PTPN9: variants seen among roughly 807,000 people sequenced by gnomAD.
The protein encoded by PTPN9 is protein tyrosine phosphatase non-receptor type 9.
Under a neutral mutation model 69.8 loss-of-function variants are expected in PTPN9, and 26 were observed. That is an observed-to-expected ratio of 0.37 (90% CI 0.27 to 0.52). The LOEUF is 0.52. PTPN9 is among the 20% of genes least tolerant of loss of function. The pLI is 0.91. For synonymous variants in PTPN9, 274 were observed against 272.5 expected, an observed-to-expected ratio of 1.01 and a Z score of -0.05; for missense variants, 549 against 740.3, an observed-to-expected ratio of 0.74 and a Z score of 3.00.
intron 4 of PTPN9, among the ~76,000 whole-genome samples, chr15:75,517,661 A>C (rs1457927714): frequency 2.0e-5 from 3 of 152,212 alleles, no homozygotes; most frequent in Non-Finnish European, 4.4e-5. Context: ...TACCTACCCA[A>C]ATCATATAAC....
chr15:75,480,384 C>G (rs1403737563), intron 8 of PTPN9, among the ~76,000 whole-genome samples: 7 of 152,146 alleles, frequency 4.6e-5, no homozygotes, highest in Admixed American at 6.5e-5. Context: ...GAGGGTGGAT[C>G]ACGAGGTCAG....
At chr15:75,472,381 C>T (rs913249602) in intron 10 of PTPN9, among the ~76,000 whole-genome samples, 1 of 151,980 alleles carries the variant, frequency 6.6e-6, no homozygotes, top group Non-Finnish European at 1.5e-5. Context: ...ATGGCGTGAA[C>T]CCCGGTGGGG....
chr15:75,504,071 G>A (rs2074796241), intron 7 of PTPN9, among the ~76,000 whole-genome samples: 2 of 128,602 alleles, frequency 1.6e-5, no homozygotes, highest in Non-Finnish European at 3.4e-5. Flanking sequence ...CCGTCCGGGA[G>A]GGAGGTGGGG....
At chr15:75,522,070 T>G (rs2074907741) in intron 4 of PTPN9, among the ~76,000 whole-genome samples, 1 of 152,024 alleles carries the variant, frequency 6.6e-6, no homozygotes, top group Admixed American at 6.6e-5. Flanking sequence ...AAACTGTAAA[T>G]TACAAGCACC....
intron 1 of PTPN9, among the ~76,000 whole-genome samples, chr15:75,547,813 G>A (rs940823459): frequency 6.6e-6 from 1 of 151,510 alleles, no homozygotes. Flanking sequence ...TTACAGGCAT[G>A]CGCCACCACA....
At chr15:75,504,904 C>T (rs992914279) in intron 7 of PTPN9, among the ~76,000 whole-genome samples, 6 of 152,014 alleles carry the variant, frequency 3.9e-5, no homozygotes, top group African/African-American at 1.5e-4. Context: ...TGCCCAGCCA[C>T]CCCTACTAGG....
intron 7 of PTPN9, among the ~76,000 whole-genome samples, chr15:75,491,351 C>G (rs2074709808): frequency 6.7e-6 from 1 of 148,818 alleles, no homozygotes; most frequent in South Asian, 2.1e-4. Flanking sequence ...TGCAGTGAGC[C>G]AACATCACAC....
intron 7 of PTPN9, among the ~76,000 whole-genome samples, chr15:75,503,508 G>A (rs2074787397): frequency 2.1e-5 from 3 of 145,026 alleles, no homozygotes; most frequent in Non-Finnish European, 4.6e-5. Flanking sequence ...AGTGAGGAGC[G>A]TCTCCGCCCG....
intron 1 of PTPN9, among the ~76,000 whole-genome samples, chr15:75,559,825 AAATG>A (rs1211522367): frequency 3.9e-5 from 6 of 152,050 alleles, no homozygotes; most frequent in African/African-American, 1.2e-4. Context: ...GAAAAGAAAA[AAATG>A]AATATTTTTT....
intron 1 of PTPN9, among the ~76,000 whole-genome samples, chr15:75,560,717 CTGTTGT>C (rs1258331722): frequency 3.3e-5 from 5 of 152,070 alleles, no homozygotes; most frequent in African/African-American, 1.2e-4. Flanking sequence ...TATTTTGTTG[CTGTTGT>C]TGTTAATTAC....
In PTPN9 at chr15:75,467,390, A is replaced by T. The variant is rs1352411431; in HGVS notation, c.*1379T>A. ...GATTTTTTGGGAATGTGGAGTGCTG[A>T]GGACTCTTGATTTATCCCTAGCACA... On this transcript the variant is annotated 3_prime_UTR_variant, in exon 13 of 13. Transcript: ENST00000618819. 6.6e-6 allele frequency: 1 copy of T among 152,578 alleles called. No homozygotes were observed. The highest frequency in any genetic ancestry group is 2.4e-5 in the African/African-American group (1 of 41,428). The allele number at this position is 152,578 out of a possible 1,614,324, so 9.5% of individuals were successfully genotyped here.
intron 9 of PTPN9, among the ~76,000 whole-genome samples, chr15:75,477,353 G>T (rs928033789): frequency 1.3e-5 from 2 of 152,164 alleles, no homozygotes; most frequent in Non-Finnish European, 1.5e-5. Flanking sequence ...CCAGCACTTT[G>T]GGAGGCCGAG....
rs779245246 is a variant in PTPN9 at position 75,473,773 on chromosome 15, A to G, written c.1130-6T>C. 6.4e-7 allele frequency: 1 copy of G among 1,553,302 alleles called. No individual in the cohort carries two copies. The highest frequency in any genetic ancestry group is 2.2e-5 in the East Asian group (1 of 44,576). On this transcript the variant is annotated splice_region_variant and splice_polypyrimidine_tract_variant and intron_variant, in intron 9 of 12. Transcript: ENST00000618819. The stretch of plus-strand genomic sequence containing the variant: ...ATAGGTATTCTCCAAAGGACCTGAA[A>G]TAAAAGGAGAAGACAAGAAACATGA...
At chr15:75,474,142 C>T (rs2074583570) in intron 9 of PTPN9, among the ~76,000 whole-genome samples, 1 of 152,200 alleles carries the variant, frequency 6.6e-6, no homozygotes, top group African/African-American at 2.4e-5. Flanking sequence ...TTTATAATCA[C>T]AGATTGCTTA....
chr15:75,480,675 C>A, intron 8 of PTPN9: 1 of 1,261,372 alleles, frequency 7.9e-7, no homozygotes, highest in Non-Finnish European at 1.0e-6. Context: ...AGCGGAGCCG[C>A]TGCCGCGACC....
At chr15:75,519,683 G>A (rs976030198) in intron 4 of PTPN9, among the ~76,000 whole-genome samples, 4 of 150,852 alleles carry the variant, frequency 2.7e-5, no homozygotes, top group African/African-American at 9.8e-5. Flanking sequence ...TGTTGCCCAG[G>A]CTGGTCTCAA....
intron 10 of PTPN9, 47 bp downstream of exon 10, chr15:75,473,642 G>C: frequency 7.0e-7 from 1 of 1,425,358 alleles, no homozygotes; most frequent in Non-Finnish European, 9.9e-7. Flanking sequence ...CCCATGCCTA[G>C]GGACAGAGTG....
At chr15:75,527,314 A>G (rs2074933710) in intron 1 of PTPN9, 53 bp from the exon 2 acceptor site, 1 of 1,592,812 alleles carries the variant, frequency 6.3e-7, no homozygotes, top group Admixed American at 1.7e-5. Context: ...ATATTTATGG[A>G]GTCAAAAAAC....
chr15:75,522,691 C>T (rs1023491680), intron 4 of PTPN9, among the ~76,000 whole-genome samples: 2 of 152,134 alleles, frequency 1.3e-5, no homozygotes, highest in African/African-American at 4.8e-5. Context: ...AGGTGTGAGC[C>T]ACTGCACCCA....
Sources: allele counts gnomAD v4.1 joint callset (sites outside exome capture counted in the v4.1 genomes callset), GRCh38; gene constraint gnomAD v4.1.1; transcripts MANE v1.5; gene names NCBI Gene and HGNC (gene_info 2026-07-23, HGNC 2026-07-21).